Variants in CDIN1 observed in about 807,000 individuals in gnomAD.
CDIN1 encodes CDAN1 interacting nuclease 1, also known as CDAN1-interacting nuclease 1.
Under a neutral mutation model 45.3 loss-of-function variants are expected in CDIN1, and 33 were observed. The observed-to-expected ratio is 0.73, with a 90% confidence interval of 0.55 to 0.97. The LOEUF (loss-of-function observed/expected upper bound fraction) is 0.97. CDIN1 is among the 50% of genes least tolerant of loss of function. The pLI, the probability that CDIN1 is intolerant of heterozygous loss-of-function variation, is 0.00. For missense variants in CDIN1, 303 were observed against 339.4 expected (o/e 0.89, Z 0.84); for synonymous variants, 118 against 124.4 (o/e 0.95, Z 0.34).
At chr15:36,702,534 T>G (rs1325088513) in intron 8 of CDIN1, among the ~76,000 whole-genome samples, 1 of 152,156 alleles carries the variant, frequency 6.6e-6, no homozygotes, top group African/African-American at 2.4e-5. Context: ...CCACTGCTCT[T>G]GGTAGTTAGC....
At chr15:36,687,525 TA>T (rs1449716551) in intron 5 of CDIN1, among the ~76,000 whole-genome samples, 2 of 152,184 alleles carry the variant, frequency 1.3e-5, no homozygotes, top group Non-Finnish European at 1.5e-5. Context: ...AAACCTTTAT[TA>T]GAGTTAAAGA....
chr15:36,635,476 T>C (rs2140366588), intron 1 of CDIN1, among the ~76,000 whole-genome samples: 1 of 152,300 alleles, frequency 6.6e-6, no homozygotes, highest in Middle Eastern at 3.4e-3. Flanking sequence ...ACATGAGTCC[T>C]GCAGGGCTGA....
At chr15:36,636,249 G>A (rs542546073) in intron 1 of CDIN1, among the ~76,000 whole-genome samples, 3 of 152,222 alleles carry the variant, frequency 2.0e-5, no homozygotes, top group African/African-American at 7.2e-5. Flanking sequence ...TGCACTGATG[G>A]AGTTATTAAA....
At chr15:36,666,590 A>G (rs867555327) in intron 5 of CDIN1, among the ~76,000 whole-genome samples, 1 of 152,154 alleles carries the variant, frequency 6.6e-6, no homozygotes, top group African/African-American at 2.4e-5. Context: ...TTAGATACCA[A>G]TTTGGACCTC....
chr15:36,795,064 A>G (rs1201889848), intron 10 of CDIN1, among the ~76,000 whole-genome samples: 6 of 152,208 alleles, frequency 3.9e-5, no homozygotes, highest in Admixed American at 2.6e-4. Flanking sequence ...TTTCGTTCAT[A>G]TATCGGGGCT....
intron 1 of CDIN1, among the ~76,000 whole-genome samples, chr15:36,592,080 T>C (rs1332650443): frequency 7.4e-5 from 2 of 27,194 alleles, no homozygotes; most frequent in Admixed American, 1.1e-3. Flanking sequence ...TAGATCTGAT[T>C]TTTTTTTTTA....
intron 10 of CDIN1, among the ~76,000 whole-genome samples, chr15:36,789,630 T>C (rs1355736051): frequency 6.6e-6 from 1 of 152,176 alleles, no homozygotes; most frequent in East Asian, 1.9e-4. Flanking sequence ...ACAAAATAGC[T>C]AGAAGAGAGG....
rs1156514805 is a variant in CDIN1, at chr15:36,800,909, G to GTGTGTATATATATA, written c.717-7414_717-7413insGTGTATATATATAT. Among the ~76,000 whole-genome samples, 125 of 22,352 alleles carry GTGTGTATATATATA rather than the reference G, an allele frequency of 5.6e-3. 1 individual carries two copies. The highest frequency in any genetic ancestry group is 8.9e-3 in the Non-Finnish European group (76 of 8,546). 14.7% of individuals were successfully genotyped at this position (22,352 alleles called of 152,430 possible). A position where few individuals can be genotyped will look rare whatever the true frequency, so the allele number is the denominator to read the frequency against. ...TGTGTGTGTGTGTGTGTGTGTGTGT[G>GTGTGTATATATATA]TATATATATATATATATATATATAT... On this transcript the variant is annotated intron_variant, in intron 10 of 10. Coordinates refer to ENST00000566621, the MANE Select transcript of CDIN1 (RefSeq NM_001321759.2).
intron 10 of CDIN1, among the ~76,000 whole-genome samples, chr15:36,766,742 C>T (rs1253268746): frequency 6.6e-6 from 1 of 152,142 alleles, no homozygotes; most frequent in Non-Finnish European, 1.5e-5. Context: ...CTATTCAACT[C>T]CTTTGCCCAT....
intron 1 of CDIN1, among the ~76,000 whole-genome samples, chr15:36,589,787 A>G (rs2037488212): frequency 6.6e-6 from 1 of 152,164 alleles, no homozygotes; most frequent in African/African-American, 2.4e-5. Flanking sequence ...TACAGGCGTG[A>G]GCCACCGCTC....
intron 10 of CDIN1, among the ~76,000 whole-genome samples, chr15:36,712,808 C>T (rs2043101466): frequency 6.6e-6 from 1 of 152,088 alleles, no homozygotes; most frequent in African/African-American, 2.4e-5. Context: ...CAGTTATGAA[C>T]CTTGGTTAAA....
At chr15:36,588,428 C>A (rs1227469924) in intron 1 of CDIN1, among the ~76,000 whole-genome samples, 1 of 151,976 alleles carries the variant, frequency 6.6e-6, no homozygotes, top group East Asian at 1.9e-4. Flanking sequence ...TTGTGGTGGA[C>A]CTGAGTTCCA....
intron 1 of CDIN1, among the ~76,000 whole-genome samples, chr15:36,603,745 G>C (rs1240656714): frequency 6.6e-6 from 1 of 152,158 alleles, no homozygotes; most frequent in Non-Finnish European, 1.5e-5. Context: ...TTACTGTAGA[G>C]TTGGAGGAAT....
chr15:36,686,106 C>T (rs998793685), intron 5 of CDIN1, among the ~76,000 whole-genome samples: 10 of 152,062 alleles, frequency 6.6e-5, no homozygotes, highest in African/African-American at 2.2e-4. Context: ...AAGACACATG[C>T]ACACGTATGT....
chr15:36,654,122 T>C lies in CDIN1; in HGVS notation c.237T>C (p.Asn79=). The change falls in exon 4 of 11, where the codon AAT becomes AAC. Residue 79 remains asparagine (N), a synonymous_variant. Transcript: ENST00000566621. ...YQRYLNGVVK[N]GAAPVLLDLA... ...GGTACCTGAATGGAGTGGTGAAAAA[T>C]GGAGCTGCCCCAGTGCTCCTGGACC... 6.3e-7 allele frequency: 1 copy of C among 1,579,186 alleles called. No homozygotes were observed. Among genetic ancestry groups the C allele is most frequent in the Non-Finnish European group, 8.6e-7 (1 of 1,160,286 alleles).
chr15:36,791,313 A>T (rs2054639974), intron 10 of CDIN1, among the ~76,000 whole-genome samples: 3 of 152,196 alleles, frequency 2.0e-5, no homozygotes. Flanking sequence ...GCCATTAACC[A>T]CTAAATGCCA....
chr15:36,712,910 C>A (rs566565610), intron 10 of CDIN1, among the ~76,000 whole-genome samples: 2 of 152,100 alleles, frequency 1.3e-5, no homozygotes, highest in African/African-American at 4.8e-5. Flanking sequence ...AATATAACCC[C>A]AAATTATATA....
At chr15:36,589,906 A>G (rs919949005) in intron 1 of CDIN1, among the ~76,000 whole-genome samples, 2 of 152,200 alleles carry the variant, frequency 1.3e-5, no homozygotes, top group Non-Finnish European at 2.9e-5. Flanking sequence ...TGACCCACGT[A>G]TGAAAGATGG....
chr15:36,609,449 A>G (rs566320156), intron 1 of CDIN1, among the ~76,000 whole-genome samples: 2 of 152,184 alleles, frequency 1.3e-5, no homozygotes, highest in African/African-American at 4.8e-5. Flanking sequence ...AGAATCAGGG[A>G]TCTATCAACT....
Sources: allele counts gnomAD v4.1 joint callset (sites outside exome capture counted in the v4.1 genomes callset), GRCh38; gene constraint gnomAD v4.1.1; transcripts MANE v1.5; gene names NCBI Gene and HGNC (gene_info 2026-07-23, HGNC 2026-07-21).